Variants in FGB observed in about 807,000 individuals in gnomAD.
The protein encoded by FGB is beta-fibrinogen.
FGB carries 25 observed loss-of-function variants against 57.9 expected under a neutral mutation model. The observed-to-expected ratio is 0.43, with a 90% confidence interval of 0.31 to 0.60. The LOEUF is 0.60. FGB is among the 20% of genes least tolerant of loss of function. FGB has a pLI of 0.08. For missense variants in FGB, 536 were observed against 598.4 expected, an observed-to-expected ratio of 0.90 and a Z score of 1.09; for synonymous variants, 203 against 199.2, an observed-to-expected ratio of 1.02 and a Z score of -0.16.
rs1339829167 is a variant in FGB, at chr4:154,571,279, G to A, written c.*629G>A. ...AACACTTTGGGAGGCTGAGGCGGGC[G>A]GTCACAAGGTCAGGAGTTCAAGACC... is the stretch of plus-strand genomic sequence containing the variant. On this transcript the variant is annotated 3_prime_UTR_variant, in exon 8 of 8. Coordinates refer to ENST00000302068, the MANE Select transcript of FGB (RefSeq NM_005141.5). Among the ~76,000 whole-genome samples, 1 of 151,892 alleles carries A rather than the reference G, an allele frequency of 6.6e-6. No homozygotes were observed. Among genetic ancestry groups the A allele is most frequent in the Admixed American group, 6.6e-5 (1 of 15,238 alleles).
rs1730392035 is a variant in FGB at position 154,570,775 on chromosome 4, G to GA, written c.*131dup. 2.7e-6 allele frequency: 2 copies of GA among 751,994 alleles called. No homozygotes were observed. The highest frequency in any genetic ancestry group is 4.7e-6 in the Non-Finnish European group (2 of 424,352). 46.6% of individuals were successfully genotyped at this position (751,994 alleles called of 1,614,324 possible). A position where few individuals can be genotyped will look rare whatever the true frequency, so the allele number is the denominator to read the frequency against. On this transcript the variant is annotated 3_prime_UTR_variant, in exon 8 of 8. Transcript: ENST00000302068. ...CAAGCAGACGTGAGTGTGACTTTTT[G>GA]AAAAAAGTATAGGATAAATTACATT...
In FGB at chr4:154,572,230, T is replaced by G. The variant is rs1730458473; in HGVS notation, c.*1580T>G. On this transcript the variant is annotated 3_prime_UTR_variant, in exon 8 of 8. Coordinates refer to ENST00000302068, the MANE Select transcript of FGB (RefSeq NM_005141.5). ...CAGGACAGGTCAGGCCCTTTAAAAA[T>G]TTCAACAGCTTTATTGAGATATAAT... Among the ~76,000 whole-genome samples, 1 of 152,134 alleles carries G rather than the reference T, an allele frequency of 6.6e-6. No individual in the cohort carries two copies. The highest frequency in any genetic ancestry group is 1.5e-5 in the Non-Finnish European group (1 of 68,028).
At position 154,569,485 on chromosome 4, in the gene FGB, G is replaced by A. The variant is rs969966409; in HGVS notation, c.959-29G>A. 3.7e-6 allele frequency: 6 copies of A among 1,600,716 alleles called. No individual in the cohort carries two copies. The African/African-American group carries it at 6.8e-5, about 18-fold the overall frequency. ...TTTAGTTTCCCAAAATTTTATTTTTGGTGAGATTTTATTTTGTTTTTCTTT... is the reference window on the plus strand; with the variant it reads ...TTTAGTTTCCCAAAATTTTATTTTTAGTGAGATTTTATTTTGTTTTTCTTT... On this transcript the variant is annotated intron_variant, in intron 6 of 7. Transcript: ENST00000302068.
At position 154,570,823 on chromosome 4, in the gene FGB, T is replaced by C; in HGVS notation, c.*173T>C. The C allele has an allele frequency of 1.5e-6, 1 of 659,818 alleles. No individual in the cohort carries two copies. Among genetic ancestry groups the C allele is most frequent in the South Asian group, 1.8e-5 (1 of 55,782 alleles). 40.9% of individuals were successfully genotyped at this position (659,818 alleles called of 1,614,324 possible). ...ATTAAAATAGCACATGATTTTCTTT[T>C]GTTTTCTTCATTTCTCTTGCTCACC... On this transcript the variant is annotated 3_prime_UTR_variant, in exon 8 of 8. Transcript: ENST00000302068.
chr4:154,565,828 T>A lies in FGB; in HGVS notation c.135T>A (p.Gly45=). 6.2e-7 allele frequency: 1 copy of A among 1,614,220 alleles called. No homozygotes were observed. Among genetic ancestry groups the A allele is most frequent in the Non-Finnish European group, 8.5e-7 (1 of 1,180,032 alleles). Residue 45 remains glycine, a synonymous_variant, in exon 2 of 8, where the codon GGT becomes GGA. Transcript: ENST00000302068. The part of the protein sequence containing the change: ...DNEEGFFSAR[G]HRPLDKKREE... ...TGTAGGGTTTCTTCAGTGCCCGTGGTCATCGACCCCTTGACAAGAAGAGAG... is the reference window on the plus strand; with the variant it reads ...TGTAGGGTTTCTTCAGTGCCCGTGGACATCGACCCCTTGACAAGAAGAGAG...
chr4:154,567,860 G>A, intron 4 of FGB, 40 bp downstream of exon 4: 3 of 1,388,798 alleles, frequency 2.2e-6, no homozygotes, highest in Non-Finnish European at 3.1e-6. Flanking sequence ...AGTTCCAGAA[G>A]AACTCACACA....
rs1214828340 is a variant in FGB, at chr4:154,569,222, C to T, written c.873C>T (p.Asp291=). The change falls in exon 6 of 8, where the codon GAC becomes GAT. Residue 291 remains aspartate (D), a synonymous_variant. Coordinates refer to ENST00000302068, the MANE Select transcript of FGB (RefSeq NM_005141.5). ...AGAACCGTCAAGACGGTAGTGTTGA[C>T]TTTGGCAGGAAATGGGATCCATATA... ...VIQNRQDGSV[D]FGRKWDPYKQ... The T allele has an allele frequency of 1.9e-6, 3 of 1,613,982 alleles. No homozygotes were observed. The highest frequency in any genetic ancestry group is 2.5e-6 in the Non-Finnish European group (3 of 1,180,006).
chr4:154,566,595 C>G lies in FGB; in HGVS notation c.413C>G (p.Ser138Cys), dbSNP rs1730171046. 1 of 1,613,980 alleles carries G rather than the reference C, an allele frequency of 6.2e-7. No homozygotes were observed. The highest frequency in any genetic ancestry group is 1.7e-5 in the Admixed American group (1 of 59,986). The change falls in exon 3 of 8, where the codon TCC becomes TGC. Residue 138 changes from serine to cysteine, a missense_variant. Transcript: ENST00000302068. Reference protein sequence around the residue: ...DELNNNVEAVSQTSSSSFQYM... With the variant: ...DELNNNVEAVCQTSSSSFQYM... Reference sequence around the variant, plus strand: ...TTAAATAACAATGTGGAAGCTGTTTCCCAGACCTCCTCTTCTTCCTTTCAG... The same window carrying G: ...TTAAATAACAATGTGGAAGCTGTTTGCCAGACCTCCTCTTCTTCCTTTCAG...
In FGB at chr4:154,571,292, G is replaced by A. The variant is rs1441273168; in HGVS notation, c.*642G>A. Among the ~76,000 whole-genome samples the A allele has an allele frequency of 6.6e-6, 1 of 152,064 alleles. No homozygotes were observed. Among genetic ancestry groups the A allele is most frequent in the East Asian group, 1.9e-4 (1 of 5,182 alleles). ...GCTGAGGCGGGCGGTCACAAGGTCA[G>A]GAGTTCAAGACCAGCCTGACCAATA... On this transcript the variant is annotated 3_prime_UTR_variant, in exon 8 of 8. Transcript: ENST00000302068.
chr4:154,563,761 A>T (rs1289220080), intron 1 of FGB, among the ~76,000 whole-genome samples: 2 of 151,970 alleles, frequency 1.3e-5, no homozygotes, highest in African/African-American at 4.8e-5. Flanking sequence ...TTTGTCCTCA[A>T]CTATTATTTT....
At position 154,568,471 on chromosome 4, in the gene FGB, G is replaced by A; in HGVS notation, c.809G>A (p.Cys270Tyr). ...DSSVKPYRVY[C>Y]DMNTENGGWT... ...TCTGTCAAACCGTATAGAGTATACT[G>A]TGACATGAATACAGAAAATGGAGGT... The change falls in exon 5 of 8, where the codon TGT (cysteine) becomes TAT (tyrosine). Residue 270 changes from cysteine (C) to tyrosine (Y), a missense_variant. By Grantham distance (194) the Cys-to-Tyr change is radical (BLOSUM62 -2). Around this residue, in one of 3 missense-constraint regions of FGB, gnomAD observed 354 missense variants for 383.4 expected, o/e 0.92. Transcript: ENST00000302068. 6.3e-7 allele frequency: 1 copy of A among 1,583,608 alleles called. No individual in the cohort carries two copies. Among genetic ancestry groups the A allele is most frequent in the Non-Finnish European group, 8.7e-7 (1 of 1,152,210 alleles).
At position 154,568,598 on chromosome 4, in the gene FGB, C is replaced by T. The variant is rs1578784295; in HGVS notation, c.832+104C>T. ...TGGTGGCTCATACCTGTAATTCCAG[C>T]ACCTTGGGAGGCCAAAGTGGGCTGA... On this transcript the variant is annotated intron_variant, in intron 5 of 7. Transcript: ENST00000302068. 1.3e-5 allele frequency: 10 copies of T among 753,472 alleles called. No individual in the cohort carries two copies. The East Asian group carries it at 2.3e-4, about 17-fold the overall frequency. 46.7% of individuals were successfully genotyped at this position (753,472 alleles called of 1,614,324 possible).
intron 5 of FGB, among the ~76,000 whole-genome samples, chr4:154,568,734 T>C (rs1418922549): frequency 6.7e-6 from 1 of 148,230 alleles, no homozygotes; most frequent in African/African-American, 2.5e-5. Context: ...GTTGGTAGTA[T>C]GTGCCTGTAG....
intron 1 of FGB, among the ~76,000 whole-genome samples, chr4:154,565,034 G>A (rs995153252): frequency 6.6e-6 from 1 of 152,188 alleles, no homozygotes; most frequent in Non-Finnish European, 1.5e-5. Flanking sequence ...CACTTAAACT[G>A]TAGTACTTGT....
chr4:154,566,219 G>A (rs1730153724), intron 2 of FGB, among the ~76,000 whole-genome samples: 1 of 152,202 alleles, frequency 6.6e-6, no homozygotes, highest in Non-Finnish European at 1.5e-5. Context: ...ATTAGGATAT[G>A]TGGGTGCCAC....
chr4:154,564,743 G>A (rs2110756865), intron 1 of FGB, among the ~76,000 whole-genome samples: 1 of 150,986 alleles, frequency 6.6e-6, no homozygotes. Flanking sequence ...AAGCTCCAAA[G>A]GATGTATAGC....
At chr4:154,568,276 C>G in intron 4 of FGB, 105 bp from the exon 5 acceptor site, 1 of 751,642 alleles carries the variant, frequency 1.3e-6, no homozygotes, top group East Asian at 2.5e-5. Context: ...TCTATAATAA[C>G]ACACTCCTTA....
At chr4:154,569,942 G>A in intron 7 of FGB, 143 bp downstream of exon 7, 2 of 802,986 alleles carry the variant, frequency 2.5e-6, no homozygotes, top group East Asian at 5.2e-5. Flanking sequence ...TCACTCGAAA[G>A]CATTTCAACT....
At position 154,566,011 on chromosome 4, in the gene FGB, G is replaced by C; in HGVS notation, c.306+12G>C. The C allele has an allele frequency of 6.2e-7, 1 of 1,611,042 alleles. No homozygotes were observed. The highest frequency in any genetic ancestry group is 1.1e-5 in the South Asian group (1 of 90,964). On this transcript the variant is annotated intron_variant, in intron 2 of 7. Coordinates refer to ENST00000302068, the MANE Select transcript of FGB (RefSeq NM_005141.5). ...CTGACCCAGACCTGGTGGGTGCACT[G>C]ATGTTTCTTGCAGTGGTGGCTCTCT...
Sources: gnomAD v4.1 joint callset for allele counts (sites outside exome capture counted in the v4.1 genomes callset) on GRCh38, gnomAD v4.1.1 for gene constraint, gnomAD v4.1.1 regional missense constraint, MANE v1.5 for transcripts, NCBI Gene and HGNC (gene_info 2026-07-23, HGNC 2026-07-21) for gene names.